The following LINGO2 variants were observed in gnomAD, a reference collection of about 807,000 sequenced individuals.
LINGO2 encodes the protein leucine-rich repeat and immunoglobulin-like domain-containing nogo receptor-interacting protein 2.
Under a neutral mutation model 30.6 loss-of-function variants are expected in LINGO2, and 14 were observed. The observed-to-expected ratio is 0.46, with a 90% confidence interval of 0.30 to 0.72. The LOEUF is 0.72. Ranked by LOEUF, LINGO2 falls within the 30% of genes least tolerant of loss-of-function variation. The pLI, the probability that LINGO2 is intolerant of heterozygous loss-of-function variation, is 0.07. For synonymous variants in LINGO2, 317 were observed against 288.5 expected (o/e 1.10, Z -1.00); for missense variants, 729 against 751.7 (o/e 0.97, Z 0.35).
chr9:28,203,836 T>C (rs1260211204), intron 4 of LINGO2, among the ~76,000 whole-genome samples: 1 of 152,186 alleles, frequency 6.6e-6, no homozygotes, highest in African/African-American at 2.4e-5. Flanking sequence ...AGAGATTTAC[T>C]GGGTGTTAAC....
At chr9:28,175,649 A>G (rs1828729984) in intron 4 of LINGO2, among the ~76,000 whole-genome samples, 1 of 152,206 alleles carries the variant, frequency 6.6e-6, no homozygotes, top group Admixed American at 6.5e-5. Flanking sequence ...TCCTTTGCTC[A>G]GGAACAGTCT....
At chr9:28,047,785 CAAGAA>C (rs772158989) in intron 4 of LINGO2, among the ~76,000 whole-genome samples, 3 of 96,188 alleles carry the variant, frequency 3.1e-5, no homozygotes, top group Non-Finnish European at 4.7e-5. Flanking sequence ...TTATACTGAA[CAAGAA>C]AAGAGCAAAG....
the LINGO2 span, among the ~76,000 whole-genome samples, chr9:29,115,586 T>C: frequency 7.1e-6 from 1 of 141,296 alleles, no homozygotes; most frequent in Non-Finnish European, 1.5e-5. Context: ...TTATTGAATG[T>C]GTTTTTTTTT....
At chr9:28,787,519 T>A in the LINGO2 span, among the ~76,000 whole-genome samples, 2 of 152,132 alleles carry the variant, frequency 1.3e-5, no homozygotes, top group Non-Finnish European at 2.9e-5. Flanking sequence ...TTGCTTGACT[T>A]CCCTGTCACA....
At chr9:29,044,261 A>T in the LINGO2 span, among the ~76,000 whole-genome samples, 3 of 152,026 alleles carry the variant, frequency 2.0e-5, no homozygotes, top group Non-Finnish European at 4.4e-5. Flanking sequence ...GAATGGAGCA[A>T]ATAGAAGTTG....
At chr9:28,493,744 G>A (rs1224694901) in intron 1 of LINGO2, among the ~76,000 whole-genome samples, 2 of 152,294 alleles carry the variant, frequency 1.3e-5, no homozygotes, top group South Asian at 2.1e-4. Flanking sequence ...ACTGGGAAAA[G>A]CAGACCCACA....
chr9:28,019,240 C>G (rs1822990926), intron 4 of LINGO2, among the ~76,000 whole-genome samples: 2 of 151,022 alleles, frequency 1.3e-5, no homozygotes, highest in South Asian at 4.2e-4. Context: ...GCTAATATAA[C>G]AAAGCTACAC....
chr9:28,352,532 C>T (rs1819947842), intron 3 of LINGO2, among the ~76,000 whole-genome samples: 2 of 134,484 alleles, frequency 1.5e-5, no homozygotes, highest in African/African-American at 5.7e-5. Flanking sequence ...ACATTCCATG[C>T]TCATGGGTAG....
chr9:28,734,744 G>A, the LINGO2 span, among the ~76,000 whole-genome samples: 1 of 152,112 alleles, frequency 6.6e-6, no homozygotes, highest in African/African-American at 2.4e-5. Flanking sequence ...GTACTATTGA[G>A]ATAAATTTAC....
chr9:28,819,240 T>C, the LINGO2 span, among the ~76,000 whole-genome samples: 27 of 152,290 alleles, frequency 1.8e-4, no homozygotes, highest in South Asian at 5.2e-3. Flanking sequence ...CTTGCTCTTG[T>C]TGATCCTCTT....
intron 1 of LINGO2, among the ~76,000 whole-genome samples, chr9:28,617,447 C>T (rs915785510): frequency 6.6e-6 from 1 of 152,008 alleles, no homozygotes; most frequent in Non-Finnish European, 1.5e-5. Context: ...AGGCGCCCAC[C>T]ACCACTCCTG....
At chr9:27,950,112 C>T (rs1456131363) in exon 6 of LINGO2, 3 of 1,614,010 alleles carry the variant, frequency 1.9e-6, no homozygotes, top group Non-Finnish European at 2.5e-6. Context: ...TGTTAAGTTG[C>T]ATTTCTCCAG....
At chr9:28,652,282 A>G (rs1828136422) in intron 1 of LINGO2, among the ~76,000 whole-genome samples, 1 of 152,096 alleles carries the variant, frequency 6.6e-6, no homozygotes, top group Non-Finnish European at 1.5e-5. Flanking sequence ...CTTTTCATAG[A>G]CTATTAATTG....
At chr9:27,986,957 C>T (rs1396045853) in intron 5 of LINGO2, among the ~76,000 whole-genome samples, 1 of 151,770 alleles carries the variant, frequency 6.6e-6, no homozygotes, top group African/African-American at 2.4e-5. Flanking sequence ...AAGACCTGCT[C>T]CTTGGGCTAT....
chr9:28,655,325 A>G (rs973112022), intron 1 of LINGO2, among the ~76,000 whole-genome samples: 1 of 152,004 alleles, frequency 6.6e-6, no homozygotes, highest in East Asian at 1.9e-4. Context: ...AGGTGTCTTT[A>G]CCCAATGCCT....
chr9:28,987,747 C>T, the LINGO2 span, among the ~76,000 whole-genome samples: 892 of 152,064 alleles, frequency 5.9e-3, 7 homozygotes, highest in African/African-American at 0.021. Flanking sequence ...TTTTCATTTC[C>T]ATTCATCTAA....
chr9:28,111,710 C>G (rs2133363651), intron 4 of LINGO2, among the ~76,000 whole-genome samples: 1 of 152,174 alleles, frequency 6.6e-6, no homozygotes, highest in South Asian at 2.1e-4. Context: ...ATGCAAAGGG[C>G]TTCACCCATA....
intron 1 of LINGO2, among the ~76,000 whole-genome samples, chr9:28,512,591 G>GTATA (rs1262344382): frequency 0.012 from 195 of 15,688 alleles, no homozygotes; most frequent in African/African-American, 0.025. Flanking sequence ...ATATATATGT[G>GTATA]TGTATATATA....
At chr9:29,171,373 T>C in the LINGO2 span, among the ~76,000 whole-genome samples, 3 of 152,090 alleles carry the variant, frequency 2.0e-5, no homozygotes, top group Non-Finnish European at 1.5e-5. Context: ...TTTAAAGTCT[T>C]AGAACTTGAG....
Sources: allele counts gnomAD v4.1 joint callset (sites outside exome capture counted in the v4.1 genomes callset), GRCh38; gene constraint gnomAD v4.1.1; transcripts MANE v1.5; gene names NCBI Gene and HGNC (gene_info 2026-07-23, HGNC 2026-07-21).